ARID4A: variants seen among roughly 807,000 people sequenced by gnomAD.
The protein encoded by ARID4A is AT-rich interaction domain 4A, also known as AT-rich interactive domain-containing protein 4A.
A neutral mutation model predicts 148.6 loss-of-function variants in ARID4A; 39 were observed. That is an observed-to-expected ratio of 0.26 (90% CI 0.20 to 0.34). The LOEUF (loss-of-function observed/expected upper bound fraction) is 0.34. ARID4A is among the 10% of genes least tolerant of loss of function. The pLI is 1.00. For missense variants in ARID4A, 1,265 were observed against 1,449.1 expected (o/e 0.87, Z 2.06); for synonymous variants, 475 against 481.2 (o/e 0.99, Z 0.17).
chr14:58,350,613 G>C lies in ARID4A; in HGVS notation c.1405-460G>C, dbSNP rs1048283230. ...CAAATACAGTGACAATGTAAATTTT[G>C]TCTTACTAACGGTAGAATTAGAGAC... On this transcript the variant is annotated intron_variant, in intron 15 of 23. Coordinates refer to ENST00000355431, the MANE Select transcript of ARID4A (RefSeq NM_002892.4). Among the ~76,000 whole-genome samples, 4 of 152,230 alleles carry C rather than the reference G, an allele frequency of 2.6e-5. No individual in the cohort carries two copies. In the South Asian group the frequency reaches 6.2e-4, roughly 24 times the overall value.
intron 17 of ARID4A, among the ~76,000 whole-genome samples, chr14:58,356,791 T>A: frequency 6.7e-6 from 1 of 150,150 alleles, no homozygotes; most frequent in East Asian, 2.0e-4. Context: ...AACCTCCGCC[T>A]CCTGGGTTCA....
At chr14:58,299,094 A>G (rs2030853577) in intron 1 of ARID4A, among the ~76,000 whole-genome samples, 1 of 152,148 alleles carries the variant, frequency 6.6e-6, no homozygotes, top group Admixed American at 6.5e-5. Context: ...TGGGCTGTAC[A>G]AAAAGTTGAG....
At chr14:58,331,736 A>T (rs2033530654) in intron 11 of ARID4A, among the ~76,000 whole-genome samples, 1 of 152,110 alleles carries the variant, frequency 6.6e-6, no homozygotes, top group African/African-American at 2.4e-5. Context: ...TGATAATGAG[A>T]CAGTTTGGCA....
rs1268669443 is a variant in ARID4A, at chr14:58,329,609, A to G, written c.739+5A>G. 10 of 1,576,336 alleles carry G rather than the reference A, an allele frequency of 6.3e-6. No homozygotes were observed. The highest frequency in any genetic ancestry group is 8.7e-6 in the Non-Finnish European group (10 of 1,146,164). On this transcript the variant is annotated splice_donor_5th_base_variant and intron_variant, in intron 10 of 23. Coordinates refer to ENST00000355431, the MANE Select transcript of ARID4A (RefSeq NM_002892.4). ...CTGAGCTCTCCACTAAACCAGGTAAAATAAAGATGAATTACCCTATTATTT... is the reference window on the plus strand; with the variant it reads ...CTGAGCTCTCCACTAAACCAGGTAAGATAAAGATGAATTACCCTATTATTT...
intron 5 of ARID4A, among the ~76,000 whole-genome samples, chr14:58,312,616 A>G (rs1162736052): frequency 2.0e-5 from 3 of 152,190 alleles, no homozygotes; most frequent in African/African-American, 7.2e-5. Context: ...GAATTCTATA[A>G]TTTTGTTAAT....
At position 58,364,896 on chromosome 14, in the gene ARID4A, A is replaced by G; in HGVS notation, c.2807A>G (p.Glu936Gly). 2 of 1,614,158 alleles carry G rather than the reference A, an allele frequency of 1.2e-6. No individual in the cohort carries two copies. Among genetic ancestry groups the G allele is most frequent in the Non-Finnish European group, 8.5e-7 (1 of 1,180,010 alleles). The change falls in exon 20 of 24, where the codon GAA becomes GGA. Residue 936 changes from glutamate to glycine, a missense_variant. Transcript: ENST00000355431. ...GAAAGATTTGATAGTCCAGCTGAAG[A>G]AACTGTAAATATTCCACTAAAAGAA... is the stretch of plus-strand genomic sequence containing the variant. ...TSERFDSPAE[E>G]TVNIPLKEDE...
rs1435318558 is a variant in ARID4A, at chr14:58,364,581, C to G, written c.2492C>G (p.Ser831Cys). Reference sequence around the variant, plus strand: ...ATAGAAGCTCATAGTCTTGAATTGTCTTCATTAGACAATAAAAACTTTTCT... The same window carrying G: ...ATAGAAGCTCATAGTCTTGAATTGTGTTCATTAGACAATAAAAACTTTTCT... ...PHIEAHSLEL[S>C]SLDNKNFSSA... Residue 831 changes from serine (S) to cysteine (C), a missense_variant, in exon 20 of 24, where the codon TCT becomes TGT. Around this residue, in one of 9 missense-constraint regions of ARID4A, gnomAD observed 666 missense variants for 730.9 expected, o/e 0.91. Coordinates refer to ENST00000355431, the MANE Select transcript of ARID4A (RefSeq NM_002892.4). 6.2e-7 allele frequency: 1 copy of G among 1,612,314 alleles called. No homozygotes were observed. The highest frequency in any genetic ancestry group is 2.2e-5 in the East Asian group (1 of 44,856).
intron 7 of ARID4A, among the ~76,000 whole-genome samples, chr14:58,322,940 G>A (rs2032984540): frequency 8.7e-6 from 1 of 114,396 alleles, no homozygotes; most frequent in Admixed American, 1.2e-4. Context: ...TCCAGCCTGG[G>A]TGACAAAGCG....
intron 17 of ARID4A, among the ~76,000 whole-genome samples, chr14:58,355,364 A>C (rs1328557284): frequency 6.6e-6 from 1 of 152,182 alleles, no homozygotes; most frequent in East Asian, 1.9e-4. Context: ...GAAACCTCAC[A>C]TAGTACTGAA....
At chr14:58,363,327 C>G (rs760107478) in intron 19 of ARID4A, among the ~76,000 whole-genome samples, 1 of 152,212 alleles carries the variant, frequency 6.6e-6, no homozygotes, top group African/African-American at 2.4e-5. Context: ...AGTTCCCTTA[C>G]AGGGAACAAT....
rs373387780 is a variant in ARID4A, at chr14:58,299,852, A to G, written c.-3A>G. The G allele has an allele frequency of 8.7e-6, 14 of 1,614,106 alleles. No homozygotes were observed. The Admixed American group carries it at 1.0e-4, about 12-fold the overall frequency. ...GCTGGAACCCCACAGATCACCAACA[A>G]AAATGAAGGTAAGTGGAGTCAACTC... On this transcript the variant is annotated 5_prime_UTR_variant, in exon 2 of 24. Transcript: ENST00000355431.
chr14:58,308,410 A>G (rs1023636493), intron 5 of ARID4A, among the ~76,000 whole-genome samples: 1 of 152,252 alleles, frequency 6.6e-6, no homozygotes, highest in Non-Finnish European at 1.5e-5. Context: ...ATTCTGATGC[A>G]GGTAGTTCAC....
At position 58,323,427 on chromosome 14, in the gene ARID4A, A is replaced by G. The variant is rs943587400; in HGVS notation, c.450-58A>G. The G allele has an allele frequency of 2.6e-6, 4 of 1,561,524 alleles. No individual in the cohort carries two copies. In the East Asian group the frequency reaches 9.1e-5, roughly 35 times the overall value. ...GAATTGACTATATTAAATTCACAAT[A>G]CTCTGTATCAAATAATTGTTTGTGT... On this transcript the variant is annotated intron_variant, in intron 7 of 23. Coordinates refer to ENST00000355431, the MANE Select transcript of ARID4A (RefSeq NM_002892.4).
intron 3 of ARID4A, chr14:58,303,573 G>C: frequency 2.1e-6 from 1 of 470,786 alleles, no homozygotes; most frequent in Non-Finnish European, 4.4e-6. Flanking sequence ...CGTCTGACTT[G>C]TTCTATGCCC....
At chr14:58,325,134 A>AT (rs1455231234) in intron 8 of ARID4A, among the ~76,000 whole-genome samples, 1 of 152,162 alleles carries the variant, frequency 6.6e-6, no homozygotes, top group African/African-American at 2.4e-5. Context: ...TCAGAGAGGA[A>AT]TAAAAAATGA....
intron 1 of ARID4A, chr14:58,299,437 G>A (rs2030920281): frequency 5.9e-6 from 1 of 169,018 alleles, no homozygotes; most frequent in African/African-American, 2.4e-5. Flanking sequence ...GGGGACCGCG[G>A]AGCGGAGGCT....
In ARID4A at chr14:58,318,694, A is replaced by G. The variant is rs531313637; in HGVS notation, c.355-17A>G. ...CTAGAGGTAAAACGTAATTTAATTAATCTATTTCTTATACAGACACTTGAC... is the reference window on the plus strand; with the variant it reads ...CTAGAGGTAAAACGTAATTTAATTAGTCTATTTCTTATACAGACACTTGAC... On this transcript the variant is annotated splice_polypyrimidine_tract_variant and intron_variant, in intron 6 of 23. Coordinates refer to ENST00000355431, the MANE Select transcript of ARID4A (RefSeq NM_002892.4). 26 of 1,613,512 alleles carry G rather than the reference A, an allele frequency of 1.6e-5. No individual in the cohort carries two copies. In the South Asian group the frequency reaches 1.9e-4, roughly 12 times the overall value.
chr14:58,321,219 T>A (rs554642350), intron 7 of ARID4A, among the ~76,000 whole-genome samples: 8 of 152,354 alleles, frequency 5.3e-5, no homozygotes, highest in African/African-American at 1.9e-4. Flanking sequence ...CAAACTTTGA[T>A]TCACAAATTT....
intron 14 of ARID4A, 94 bp from the exon 15 acceptor site, chr14:58,347,553 C>A: frequency 1.0e-6 from 1 of 999,016 alleles, no homozygotes; most frequent in African/African-American, 1.7e-5. Flanking sequence ...TTTTAAATTA[C>A]TGGGCTTTAC....
Sources: allele counts gnomAD v4.1 joint callset (sites outside exome capture counted in the v4.1 genomes callset), GRCh38; gene constraint gnomAD v4.1.1; regional missense constraint gnomAD v4.1.1; transcripts MANE v1.5; gene names NCBI Gene and HGNC (gene_info 2026-07-23, HGNC 2026-07-21).